The following EGLN2 variants were observed in gnomAD, a reference collection of about 807,000 sequenced individuals.
EGLN2 encodes egl-9 family hypoxia inducible factor 2, also known as prolyl hydroxylase EGLN2.
EGLN2 carries 15 observed loss-of-function variants against 38.2 expected under a neutral mutation model. That is an observed-to-expected ratio of 0.39 (90% CI 0.26 to 0.60). EGLN2 has a LOEUF of 0.60. Ranked by LOEUF, EGLN2 falls within the 20% of genes least tolerant of loss-of-function variation. EGLN2 has a pLI of 0.50. For missense variants in EGLN2, 492 were observed against 570.4 expected (o/e 0.86, Z 1.40); for synonymous variants, 284 against 237.4 (o/e 1.20, Z -1.81).
chr19:40,807,817 C>T lies in EGLN2; in HGVS notation c.1177C>T (p.Gln393Ter). 1 of 1,614,152 alleles carries T rather than the reference C, an allele frequency of 6.2e-7. No individual in the cohort carries two copies. The highest frequency in any genetic ancestry group is 1.1e-5 in the South Asian group (1 of 91,058). Residue 393 changes from glutamine (Q) to a stop codon, truncating the protein, a stop_gained, in exon 6 of 6, where the codon CAG (glutamine) becomes TAG (stop). Transcript: ENST00000303961. LOFTEE classifies it high-confidence loss of function. ...AKDKYQLASGQKGVQVPVSQP... is the reference protein window; with the variant it reads ...AKDKYQLASG ...TCCCCTCTCACCCCCAGCATCAGGA[C>T]AGAAAGGTGTCCAAGTACCTGTATC...
chr19:40,800,936 G>T lies in EGLN2; in HGVS notation c.364G>T (p.Ala122Ser). Residue 122 changes from alanine to serine, a missense_variant, in exon 2 of 6, where the codon GCC becomes TCC. Physicochemically the swap from Ala to Ser is moderately conservative, Grantham distance 99 (BLOSUM62 1). This residue lies in a region of EGLN2 where 378 missense variants were observed against 386.2 expected (regional missense o/e 0.98). Transcript: ENST00000303961. ...GCCTGAGGCCCCCAAACGGAAATGG[G>T]CCGAGGATGGTGGGGATGCCCCTTC... is the stretch of plus-strand genomic sequence containing the variant. ...ARPEAPKRKW[A>S]EDGGDAPSPS... is the part of the protein sequence containing the mutation. 1.2e-6 allele frequency: 2 copies of T among 1,610,054 alleles called. No individual in the cohort carries two copies. Among genetic ancestry groups the T allele is most frequent in the East Asian group, 2.2e-5 (1 of 44,784 alleles).
chr19:40,802,815 G>A (rs996674390), intron 2 of EGLN2, among the ~76,000 whole-genome samples: 1 of 152,262 alleles, frequency 6.6e-6, no homozygotes, highest in Non-Finnish European at 1.5e-5. Context: ...ATGCCTGGCT[G>A]GCTGATGGCA....
intron 4 of EGLN2, 94 bp from the exon 5 acceptor site, chr19:40,807,390 A>G: frequency 6.2e-7 from 1 of 1,602,958 alleles, no homozygotes. Flanking sequence ...AGGTGGGAGC[A>G]GAACCGGGTG....
In EGLN2 at chr19:40,801,304, A is replaced by G. The variant is rs1322052924; in HGVS notation, c.732A>G (p.Glu244=). Residue 244 remains glutamate (E), a synonymous_variant, in exon 2 of 6, where the codon GAA becomes GAG. Transcript: ENST00000303961. ...GTGGGGACCAGATTGCCTGGGTGGA[A>G]GGCCATGAACCAGGCTGTCGAAGCA... The part of the protein sequence containing the change: ...SIRGDQIAWV[E]GHEPGCRSIG... 1 of 1,613,132 alleles carries G rather than the reference A, an allele frequency of 6.2e-7. No homozygotes were observed. The highest frequency in any genetic ancestry group is 8.5e-7 in the Non-Finnish European group (1 of 1,180,038).
Position 40,801,277 on chromosome 19 carries a change from C to G in EGLN2, c.705C>G (p.Ile235Met). The change falls in exon 2 of 6, where the codon ATC (isoleucine) becomes ATG (methionine). Residue 235 changes from isoleucine to methionine, a missense_variant. This residue lies in a region of EGLN2 where 378 missense variants were observed against 386.2 expected (regional missense o/e 0.98). Coordinates refer to ENST00000303961, the MANE Select transcript of EGLN2 (RefSeq NM_080732.4). ...VSQRAIPPRSIRGDQIAWVEG... is the reference protein window; with the variant it reads ...VSQRAIPPRSMRGDQIAWVEG... ...AGAGGGCGATCCCGCCGCGCAGCAT[C>G]CGTGGGGACCAGATTGCCTGGGTGG... 1 of 1,613,174 alleles carries G rather than the reference C, an allele frequency of 6.2e-7. No homozygotes were observed. Among genetic ancestry groups the G allele is most frequent in the Non-Finnish European group, 8.5e-7 (1 of 1,180,012 alleles).
intron 5 of EGLN2, 55 bp downstream of exon 5, chr19:40,807,606 A>C (rs1424990318): frequency 6.4e-7 from 1 of 1,567,176 alleles, no homozygotes; most frequent in Non-Finnish European, 8.8e-7. Context: ...CTTGGGCCTG[A>C]TGCCACCCCA....
chr19:40,800,822 G>T lies in EGLN2; in HGVS notation c.250G>T (p.Asp84Tyr). 6.2e-7 allele frequency: 1 copy of T among 1,613,300 alleles called. No homozygotes were observed. The highest frequency in any genetic ancestry group is 8.5e-7 in the Non-Finnish European group (1 of 1,179,910). ...TCTTCGGGACGGTTTTGGCGGGCAGGATGGTGGTGAGCTGCGGCCGCTGCA... is the reference window on the plus strand; with the variant it reads ...TCTTCGGGACGGTTTTGGCGGGCAGTATGGTGGTGAGCTGCGGCCGCTGCA... Reference protein sequence around the residue: ...SPLRDGFGGQDGGELRPLQSE... With the variant: ...SPLRDGFGGQYGGELRPLQSE... The change falls in exon 2 of 6, where the codon GAT becomes TAT. Residue 84 changes from aspartate (D) to tyrosine (Y), a missense_variant. Physicochemically the swap from Asp to Tyr is radical, Grantham distance 160. This residue lies in a region of EGLN2 where 378 missense variants were observed against 386.2 expected (regional missense o/e 0.98). Transcript: ENST00000303961.
Position 40,801,084 on chromosome 19 carries a change from C to T in EGLN2, c.512C>T (p.Pro171Leu), listed in dbSNP as rs1490560050. 2 of 1,612,730 alleles carry T rather than the reference C, an allele frequency of 1.2e-6. No individual in the cohort carries two copies. The highest frequency in any genetic ancestry group is 2.2e-5 in the East Asian group (1 of 44,874). The change falls in exon 2 of 6, where the codon CCC becomes CTC. Residue 171 changes from proline to leucine, a missense_variant. Around this residue, in one of 2 missense-constraint regions of EGLN2, gnomAD observed 378 missense variants for 386.2 expected, o/e 0.98. Transcript: ENST00000303961. ...GCTGGGCTGATGGAGGAGGCGCTGC[C>T]CTCTGCGCCCGAGCGCCTGGCCCTG... ...ASAGLMEEAL[P>L]SAPERLALDY...
chr19:40,807,689 T>A, intron 5 of EGLN2, 120 bp from the exon 6 acceptor site: 1 of 1,407,654 alleles, frequency 7.1e-7, no homozygotes, highest in Non-Finnish European at 9.9e-7. Flanking sequence ...CTTAGCCCAC[T>A]CTCCTGGTAC....
intron 2 of EGLN2, chr19:40,806,251 T>G: frequency 2.6e-6 from 1 of 382,732 alleles, no homozygotes; most frequent in Non-Finnish European, 4.9e-6. Flanking sequence ...AGGTGGGGTT[T>G]GGGGTATCTT....
intron 2 of EGLN2, chr19:40,806,250 T>G: frequency 2.7e-6 from 1 of 376,456 alleles, no homozygotes. Flanking sequence ...GAGGTGGGGT[T>G]TGGGGTATCT....
intron 5 of EGLN2, 119 bp downstream of exon 5, chr19:40,807,670 C>A: frequency 1.4e-6 from 2 of 1,417,014 alleles, no homozygotes; most frequent in Non-Finnish European, 2.0e-6. Context: ...TTCATCTCTG[C>A]CCACCTTCCT....
At position 40,806,481 on chromosome 19, in the gene EGLN2, A is replaced by T. The variant is rs546948383; in HGVS notation, c.844-74A>T. On this transcript the variant is annotated intron_variant, in intron 2 of 5. Coordinates refer to ENST00000303961, the MANE Select transcript of EGLN2 (RefSeq NM_080732.4). ...ATGGGGCAAGGAGGGGTGGGAAAAT[A>T]GGTAATTCATGGCTGCTTCTCTAAG... 5 of 1,593,554 alleles carry T rather than the reference A, an allele frequency of 3.1e-6. No individual in the cohort carries two copies. In the East Asian group the frequency reaches 6.8e-5, roughly 22 times the overall value.
Position 40,800,566 on chromosome 19 carries a change from T to A in EGLN2, c.-7T>A. ...CTCCATGCCCGGGGGATGAAGACAC[T>A]GCTGCCATGGACAGCCCGTGCCAGC... On this transcript the variant is annotated 5_prime_UTR_variant, in exon 2 of 6. Coordinates refer to ENST00000303961, the MANE Select transcript of EGLN2 (RefSeq NM_080732.4). 6.3e-7 allele frequency: 1 copy of A among 1,584,822 alleles called. No homozygotes were observed. The highest frequency in any genetic ancestry group is 8.6e-7 in the Non-Finnish European group (1 of 1,163,838).
chr19:40,803,828 G>T (rs2083281368), intron 2 of EGLN2, among the ~76,000 whole-genome samples: 1 of 152,124 alleles, frequency 6.6e-6, no homozygotes, highest in Non-Finnish European at 1.5e-5. Flanking sequence ...ACTGGGGTGT[G>T]TGTGTAGTGG....
Position 40,806,549 on chromosome 19 carries a change from T to C in EGLN2, c.844-6T>C. The C allele has an allele frequency of 6.2e-7, 1 of 1,614,044 alleles. No individual in the cohort carries two copies. Among genetic ancestry groups the C allele is most frequent in the Non-Finnish European group, 8.5e-7 (1 of 1,179,962 alleles). On this transcript the variant is annotated splice_polypyrimidine_tract_variant and splice_region_variant and intron_variant, in intron 2 of 5. Transcript: ENST00000303961. ...CAGTAAACCTACCTCCCTCCATCCC[T>C]GCCAGGCCATGGTGGCGTGTTACCC...
chr19:40,800,406 C>T lies in EGLN2; in HGVS notation c.-167C>T, dbSNP rs1030006805. On this transcript the variant is annotated 5_prime_UTR_variant, in exon 2 of 6. Transcript: ENST00000303961. ...GGACTTGGGGACCAGCAAGCAACCCCCAGGGCACGAGAAGAGCTCTTGCTG... is the reference window on the plus strand; with the variant it reads ...GGACTTGGGGACCAGCAAGCAACCCTCAGGGCACGAGAAGAGCTCTTGCTG... 6 of 1,091,160 alleles carry T rather than the reference C, an allele frequency of 5.5e-6. No homozygotes were observed. The highest frequency in any genetic ancestry group is 2.9e-5 in the Admixed American group (1 of 34,384). 67.6% of individuals were successfully genotyped at this position (1,091,160 alleles called of 1,614,324 possible).
chr19:40,802,689 C>T (rs756866139), intron 2 of EGLN2, among the ~76,000 whole-genome samples: 9 of 152,216 alleles, frequency 5.9e-5, no homozygotes, highest in Non-Finnish European at 1.0e-4. Flanking sequence ...AGGGCCTTTC[C>T]GGGCTGCTGA....
At chr19:40,804,128 G>C (rs1412888615) in intron 2 of EGLN2, 1 of 152,498 alleles carries the variant, frequency 6.6e-6, no homozygotes, top group African/African-American at 2.4e-5. Context: ...CAGGGCAGGA[G>C]GAAACATAGC....
Sources: gnomAD v4.1 joint callset for allele counts (sites outside exome capture counted in the v4.1 genomes callset) on GRCh38, gnomAD v4.1.1 for gene constraint, gnomAD v4.1.1 regional missense constraint, MANE v1.5 for transcripts, NCBI Gene and HGNC (gene_info 2026-07-23, HGNC 2026-07-21) for gene names.